Variants in MSH3 observed in about 807,000 individuals in gnomAD.
MSH3 encodes DNA mismatch repair protein Msh3.
In MSH3, 106 loss-of-function variants were observed where a neutral mutation model predicts 123.3. The observed-to-expected ratio is 0.86, with a 90% CI of 0.73 to 1.01. The LOEUF is 1.01. Ranked by LOEUF, MSH3 falls within the 50% of genes least tolerant of loss-of-function variation. The pLI is 0.00. For synonymous variants in MSH3, 515 were observed against 481.4 expected (o/e 1.07, Z -0.91); for missense variants, 1,459 against 1,347.6 (o/e 1.08, Z -1.29).
chr5:80,854,168 C>A lies in MSH3; in HGVS notation c.2852C>A (p.Thr951Lys). The A allele has an allele frequency of 6.2e-7, 1 of 1,613,558 alleles. No homozygotes were observed. The highest frequency in any genetic ancestry group is 8.5e-7 in the Non-Finnish European group (1 of 1,179,734). Residue 951 changes from threonine (T) to lysine (K), a missense_variant, in exon 21 of 24, where the codon ACA becomes AAA. Transcript: ENST00000265081. ...AADNIYKGQS[T>K]FMEELTDTAE... ...GACAATATATATAAAGGACAGAGTA[C>A]ATTTATGGAAGAACTGACTGACACA...
At chr5:80,776,382 G>T (rs920805423) in intron 16 of MSH3, among the ~76,000 whole-genome samples, 1 of 152,166 alleles carries the variant, frequency 6.6e-6, no homozygotes, top group African/African-American at 2.4e-5. Context: ...GATTAATTTA[G>T]TTGCTTTTAC....
chr5:80,654,927 C>A lies in MSH3; in HGVS notation c.200C>A (p.Pro67Gln). The change falls in exon 1 of 24, where the codon CCA becomes CAA. Residue 67 changes from proline to glutamine, a missense_variant. By Grantham distance (76) the Pro-to-Gln change is moderately conservative. Transcript: ENST00000265081. ...GCGGCCGCAGCGCCCCCAGCGCCCCCAGCTCCCGCCTTCCCGCCCCAGCTG... is the reference window on the plus strand; with the variant it reads ...GCGGCCGCAGCGCCCCCAGCGCCCCAAGCTCCCGCCTTCCCGCCCCAGCTG... ...AAAAAAPPAPPAPAFPPQLPP... is the reference protein window; with the variant it reads ...AAAAAAPPAPQAPAFPPQLPP... The A allele has an allele frequency of 1.2e-6, 1 of 812,670 alleles. No individual in the cohort carries two copies. The highest frequency in any genetic ancestry group is 2.8e-5 in the South Asian group (1 of 35,428). The allele number at this position is 812,670 out of a possible 1,614,324, so 50.3% of individuals were successfully genotyped here. A position where few individuals can be genotyped will look rare whatever the true frequency, so the allele number is the denominator to read the frequency against.
At chr5:80,702,166 A>G (rs1750628413) in intron 8 of MSH3, among the ~76,000 whole-genome samples, 1 of 152,284 alleles carries the variant, frequency 6.6e-6, no homozygotes, top group South Asian at 2.1e-4. Flanking sequence ...GCAGTCCAGA[A>G]TGCTCCGTGA....
At chr5:80,696,759 G>A (rs954695865) in intron 8 of MSH3, among the ~76,000 whole-genome samples, 11 of 152,070 alleles carry the variant, frequency 7.2e-5, no homozygotes, top group African/African-American at 2.7e-4. Context: ...TTTAGAGATT[G>A]CTCTATGTAT....
At chr5:80,687,613 A>G (rs1736747123) in intron 8 of MSH3, among the ~76,000 whole-genome samples, 1 of 152,126 alleles carries the variant, frequency 6.6e-6, no homozygotes, top group African/African-American at 2.4e-5. Context: ...TGGAAATGAT[A>G]TGAGGTCTGA....
At chr5:80,738,854 C>G (rs532610365) in intron 10 of MSH3, among the ~76,000 whole-genome samples, 45 of 152,206 alleles carry the variant, frequency 3.0e-4, no homozygotes, top group South Asian at 2.1e-3. Context: ...GAGGGCAGAT[C>G]GTTTGTAAAT....
At chr5:80,725,231 AAAGAT>A (rs1743260299) in intron 8 of MSH3, among the ~76,000 whole-genome samples, 1 of 151,352 alleles carries the variant, frequency 6.6e-6, no homozygotes, top group Non-Finnish European at 1.5e-5. Flanking sequence ...AAAAAAAAAA[AAAGAT>A]AATAAAAAAA....
chr5:80,678,576 C>A (rs1398001123), intron 7 of MSH3, among the ~76,000 whole-genome samples: 2 of 152,196 alleles, frequency 1.3e-5, no homozygotes, highest in African/African-American at 4.8e-5. Flanking sequence ...TTGATCCTTA[C>A]AATAACCTTA....
intron 12 of MSH3, among the ~76,000 whole-genome samples, chr5:80,755,310 G>A (rs946175214): frequency 6.6e-6 from 1 of 152,126 alleles, no homozygotes; most frequent in Non-Finnish European, 1.5e-5. Context: ...TTCAACATTC[G>A]GACCTTCAGT....
intron 14 of MSH3, among the ~76,000 whole-genome samples, chr5:80,768,349 A>G (rs1008627853): frequency 1.8e-4 from 27 of 152,286 alleles, no homozygotes; most frequent in Middle Eastern, 6.8e-3. Context: ...ACTCCCCCAC[A>G]TATCAGATGA....
chr5:80,834,304 A>G (rs957377092), intron 20 of MSH3, among the ~76,000 whole-genome samples: 3 of 151,916 alleles, frequency 2.0e-5, no homozygotes, highest in African/African-American at 4.8e-5. Context: ...CATTCATTGT[A>G]TCTAATCTGC....
At chr5:80,843,514 G>A (rs1745664049) in intron 20 of MSH3, among the ~76,000 whole-genome samples, 1 of 152,126 alleles carries the variant, frequency 6.6e-6, no homozygotes, top group Non-Finnish European at 1.5e-5. Context: ...GTAGAATTCG[G>A]CTGTGAATCC....
chr5:80,679,190 T>C (rs544144110), intron 8 of MSH3, 97 bp downstream of exon 8: 1 of 1,287,348 alleles, frequency 7.8e-7, no homozygotes, highest in East Asian at 2.3e-5. Context: ...TAGTTTTTAC[T>C]TACAAAAATT....
intron 21 of MSH3, among the ~76,000 whole-genome samples, chr5:80,860,352 A>C (rs1342322724): frequency 1.3e-5 from 2 of 151,084 alleles, no homozygotes; most frequent in Non-Finnish European, 1.5e-5. Flanking sequence ...CAAATCCTCA[A>C]TTTTTGTTTG....
At chr5:80,694,193 C>T (rs1750416926) in intron 8 of MSH3, among the ~76,000 whole-genome samples, 1 of 152,114 alleles carries the variant, frequency 6.6e-6, no homozygotes, top group Admixed American at 6.5e-5. Flanking sequence ...TCAGACCATA[C>T]AGAAAATTTC....
intron 20 of MSH3, among the ~76,000 whole-genome samples, chr5:80,817,089 T>C (rs937797931): frequency 1.3e-5 from 2 of 152,200 alleles, no homozygotes; most frequent in Non-Finnish European, 2.9e-5. Context: ...GTTCTGAGAC[T>C]GAACCTTAAA....
intron 12 of MSH3, among the ~76,000 whole-genome samples, chr5:80,747,097 G>A (rs1403658926): frequency 7.2e-5 from 11 of 152,144 alleles, no homozygotes; most frequent in African/African-American, 1.2e-4. Flanking sequence ...TAGAGCAGAC[G>A]CAGACAAGAT....
At chr5:80,735,781 A>G (rs1743495086) in intron 10 of MSH3, among the ~76,000 whole-genome samples, 2 of 152,236 alleles carry the variant, frequency 1.3e-5, no homozygotes, top group South Asian at 4.1e-4. Context: ...AAACTTCAGG[A>G]AAATTAATCT....
rs895979080 is a variant in MSH3 at position 80,792,550 on chromosome 5, T to C, written c.2544-183T>C. Among the ~76,000 whole-genome samples the C allele has an allele frequency of 4.6e-5, 7 of 152,318 alleles. No individual in the cohort carries two copies. In the East Asian group the frequency reaches 5.8e-4, roughly 13 times the overall value. On this transcript the variant is annotated intron_variant, in intron 18 of 23. Coordinates refer to ENST00000265081, the MANE Select transcript of MSH3 (RefSeq NM_002439.5). ...ATAAATGTTTTCCCAATTTTGATCT[T>C]ATAGTTCAAATTTAACTTTTATACT...
Sources: allele counts gnomAD v4.1 joint callset (sites outside exome capture counted in the v4.1 genomes callset), GRCh38; gene constraint gnomAD v4.1.1; transcripts MANE v1.5; gene names NCBI Gene and HGNC (gene_info 2026-07-23, HGNC 2026-07-21).